Variants in ECT2L observed in about 807,000 individuals in gnomAD.
The protein encoded by ECT2L is epithelial cell-transforming sequence 2 oncogene-like.
A neutral mutation model predicts 122.8 loss-of-function variants in ECT2L; 126 were observed. The observed-to-expected ratio is 1.03, with a 90% CI of 0.89 to 1.19. The LOEUF is 1.19. Ranked by LOEUF, ECT2L falls within the 50% of genes most tolerant of loss-of-function variation. The pLI is 0.00. For synonymous variants in ECT2L, 385 were observed against 381.8 expected, an observed-to-expected ratio of 1.01 and a Z score of -0.10; for missense variants, 1,012 against 1,064.1, an observed-to-expected ratio of 0.95 and a Z score of 0.68.
At chr6:138,830,277 G>T (rs1776601386) in intron 4 of ECT2L, among the ~76,000 whole-genome samples, 1 of 152,180 alleles carries the variant, frequency 6.6e-6, no homozygotes, top group Admixed American at 6.5e-5. Context: ...CTGCACAACA[G>T]GGGTGGACAA....
intron 9 of ECT2L, 45 bp from the exon 10 acceptor site, chr6:138,853,981 T>C (rs191760485): frequency 1.9e-6 from 3 of 1,593,918 alleles, no homozygotes; most frequent in East Asian, 2.2e-5. Flanking sequence ...TTCTGTTCAG[T>C]ATTATGTTAC....
chr6:138,865,446 A>G (rs146852682), intron 12 of ECT2L, among the ~76,000 whole-genome samples: 75 of 152,324 alleles, frequency 4.9e-4, no homozygotes, highest in African/African-American at 1.8e-3. Context: ...TTACCTAGAC[A>G]CAATTTGCTG....
At chr6:138,827,864 A>C (rs1389444643) in intron 4 of ECT2L, among the ~76,000 whole-genome samples, 4 of 152,140 alleles carry the variant, frequency 2.6e-5, no homozygotes, top group Non-Finnish European at 5.9e-5. Flanking sequence ...AGCCCCCTGG[A>C]TTATTTTAAA....
intron 1 of ECT2L, among the ~76,000 whole-genome samples, chr6:138,797,859 G>GC (rs982470208): frequency 2.0e-5 from 3 of 152,016 alleles, no homozygotes; most frequent in African/African-American, 7.2e-5. Context: ...CCAAAAGACT[G>GC]CCCCCCACTT....
chr6:138,809,191 T>C (rs998961642), intron 1 of ECT2L, among the ~76,000 whole-genome samples: 1 of 152,244 alleles, frequency 6.6e-6, no homozygotes, highest in Non-Finnish European at 1.5e-5. Flanking sequence ...ATTTGCACCT[T>C]ATTCAGATTA....
chr6:138,840,989 T>C (rs1777020926), intron 5 of ECT2L, among the ~76,000 whole-genome samples: 1 of 152,196 alleles, frequency 6.6e-6, no homozygotes, highest in South Asian at 2.1e-4. Flanking sequence ...GGATTTTCTT[T>C]GGACCTATCT....
intron 4 of ECT2L, among the ~76,000 whole-genome samples, chr6:138,816,862 A>C (rs1312943022): frequency 6.6e-6 from 1 of 152,222 alleles, no homozygotes; most frequent in Non-Finnish European, 1.5e-5. Flanking sequence ...GTTCCGGTAC[A>C]TTCACAGAGT....
At chr6:138,894,598 C>T (rs1273599935) in intron 20 of ECT2L, among the ~76,000 whole-genome samples, 3 of 152,262 alleles carry the variant, frequency 2.0e-5, no homozygotes, top group Admixed American at 6.5e-5. Context: ...TCAGTCACAC[C>T]TCCCCATCCA....
At position 138,842,970 on chromosome 6, in the gene ECT2L, T is replaced by C. The variant is rs753224416; in HGVS notation, c.343-9T>C. On this transcript the variant is annotated splice_polypyrimidine_tract_variant and intron_variant, in intron 5 of 21. Coordinates refer to ENST00000541398, the MANE Select transcript of ECT2L (RefSeq NM_001077706.3). ...CAATTTGTGACTCATCTTCCTCTTG[T>C]TTCTGAAGGATTGCTTATGGATGCC... 13 of 1,476,762 alleles carry C rather than the reference T, an allele frequency of 8.8e-6. No homozygotes were observed. Among genetic ancestry groups the C allele is most frequent in the Non-Finnish European group, 1.0e-5 (11 of 1,101,034 alleles). The allele number at this position is 1,476,762 out of a possible 1,614,324, so 91.5% of individuals were successfully genotyped here. A position where few individuals can be genotyped will look rare whatever the true frequency, so the allele number is the denominator to read the frequency against.
At chr6:138,868,917 A>G (rs906519244) in intron 13 of ECT2L, among the ~76,000 whole-genome samples, 11 of 152,340 alleles carry the variant, frequency 7.2e-5, no homozygotes, top group South Asian at 2.1e-4. Flanking sequence ...CTGTAATCCC[A>G]GCACTTTGGG....
At chr6:138,846,987 G>T (rs965176382) in intron 8 of ECT2L, among the ~76,000 whole-genome samples, 3 of 138,212 alleles carry the variant, frequency 2.2e-5, no homozygotes, top group Non-Finnish European at 4.5e-5. Context: ...AAAAAAAAAG[G>T]CCAGGTGCAG....
chr6:138,873,619 C>T (rs1261559622), intron 13 of ECT2L, among the ~76,000 whole-genome samples: 1 of 152,092 alleles, frequency 6.6e-6, no homozygotes, highest in Non-Finnish European at 1.5e-5. Flanking sequence ...CAAGGTGAAA[C>T]CCCGTCTCTA....
At chr6:138,872,219 C>T (rs1393755126) in intron 13 of ECT2L, among the ~76,000 whole-genome samples, 2 of 152,208 alleles carry the variant, frequency 1.3e-5, no homozygotes, top group African/African-American at 2.4e-5. Flanking sequence ...GGCTGCCCTG[C>T]CCCCAAATCG....
intron 13 of ECT2L, among the ~76,000 whole-genome samples, chr6:138,873,533 C>T (rs1225376026): frequency 6.6e-6 from 1 of 152,220 alleles, no homozygotes; most frequent in Admixed American, 6.5e-5. Flanking sequence ...GCGGCTCACG[C>T]CTGTAATCCC....
intron 1 of ECT2L, among the ~76,000 whole-genome samples, chr6:138,797,348 GATAA>G (rs1282995488): frequency 6.6e-5 from 10 of 152,104 alleles, no homozygotes; most frequent in African/African-American, 2.2e-4. Context: ...GTAAATTTTT[GATAA>G]ATAAAGGAAT....
At chr6:138,829,541 C>T (rs545340733) in intron 4 of ECT2L, among the ~76,000 whole-genome samples, 6 of 152,230 alleles carry the variant, frequency 3.9e-5, no homozygotes, top group Non-Finnish European at 5.9e-5. Context: ...TTCCCAATGA[C>T]GTTATTACTC....
chr6:138,848,250 T>G (rs1777303986), intron 8 of ECT2L, among the ~76,000 whole-genome samples: 1 of 152,166 alleles, frequency 6.6e-6, no homozygotes, highest in African/African-American at 2.4e-5. Context: ...TTTGTTGAAT[T>G]GAATTTGTTG....
At position 138,813,253 on chromosome 6, in the gene ECT2L, T is replaced by C; in HGVS notation, c.-22T>C. 1 of 1,597,052 alleles carries C rather than the reference T, an allele frequency of 6.3e-7. No homozygotes were observed. Among genetic ancestry groups the C allele is most frequent in the Non-Finnish European group, 8.5e-7 (1 of 1,174,778 alleles). ...AATTTGCTGAGACGTCAGCTGGGGA[T>C]TCTTCCTGGAGAACTCCAGAAATGG... On this transcript the variant is annotated 5_prime_UTR_variant, in exon 3 of 22. Coordinates refer to ENST00000541398, the MANE Select transcript of ECT2L (RefSeq NM_001077706.3).
intron 20 of ECT2L, among the ~76,000 whole-genome samples, chr6:138,898,485 T>C (rs1472134180): frequency 1.3e-5 from 2 of 152,196 alleles, no homozygotes. Context: ...TTAAACTACC[T>C]GGTCCAGTCC....
Sources: gnomAD v4.1 joint callset for allele counts (sites outside exome capture counted in the v4.1 genomes callset) on GRCh38, gnomAD v4.1.1 for gene constraint, MANE v1.5 for transcripts, NCBI Gene and HGNC (gene_info 2026-07-23, HGNC 2026-07-21) for gene names.